Variants in RYR3 observed in about 807,000 individuals in gnomAD.
RYR3 encodes ryanodine receptor 3.
Under a neutral mutation model 584.3 loss-of-function variants are expected in RYR3, and 207 were observed. The observed-to-expected ratio is 0.35, with a 90% confidence interval of 0.32 to 0.40. The LOEUF is 0.40. RYR3 is among the 10% of genes least tolerant of loss of function. The probability of loss-of-function intolerance (pLI) is 1.00; values close to 1 mark genes in which losing one functional copy is unlikely to be tolerated. For synonymous variants in RYR3, 2,416 were observed against 2,248.5 expected, an observed-to-expected ratio of 1.07 and a Z score of -2.11; for missense variants, 5,616 against 6,089.2, an observed-to-expected ratio of 0.92 and a Z score of 2.59.
rs1371630621 is a variant in RYR3, at chr15:33,696,310, C to T, written c.5953C>T (p.Leu1985Phe). ...DSELVRMMFN[L>F]LRRQYDSIGE... ...AGAGCTGGTCCGAATGATGTTCAACCTCCTCCGGAGGCAGTATGACAGCAT... is the reference window on the plus strand; with the variant it reads ...AGAGCTGGTCCGAATGATGTTCAACTTCCTCCGGAGGCAGTATGACAGCAT... The change falls in exon 39 of 104, where the codon CTC becomes TTC. Residue 1985 changes from leucine (L) to phenylalanine (F), a missense_variant. This residue lies in a region of RYR3 where 1,280 missense variants were observed against 1,426.2 expected (regional missense o/e 0.90). Transcript: ENST00000634891. The T allele has an allele frequency of 6.2e-7, 1 of 1,613,864 alleles. No homozygotes were observed. Among genetic ancestry groups the T allele is most frequent in the African/African-American group, 1.3e-5 (1 of 75,028 alleles).
chr15:33,784,649 A>C (rs551841360), intron 65 of RYR3, among the ~76,000 whole-genome samples: 116 of 152,324 alleles, frequency 7.6e-4, no homozygotes, highest in Non-Finnish European at 1.0e-3. Flanking sequence ...AAGTAGACAC[A>C]TTCTGTAGGA....
chr15:33,403,540 C>T (rs2042823671), intron 1 of RYR3, among the ~76,000 whole-genome samples: 1 of 152,056 alleles, frequency 6.6e-6, no homozygotes, highest in Non-Finnish European at 1.5e-5. Flanking sequence ...TATAAATATC[C>T]TTAATAGGTA....
chr15:33,451,652 C>G (rs1046841085), intron 1 of RYR3, among the ~76,000 whole-genome samples: 5 of 152,106 alleles, frequency 3.3e-5, no homozygotes, highest in African/African-American at 1.2e-4. Context: ...CAAGCCTAGT[C>G]CAGTGCAGAC....
intron 2 of RYR3, among the ~76,000 whole-genome samples, chr15:33,480,627 T>C (rs2049872475): frequency 1.3e-5 from 2 of 152,164 alleles, no homozygotes; most frequent in Admixed American, 6.5e-5. Flanking sequence ...TGTTAGTGAG[T>C]GGATGTTTTA....
At chr15:33,485,726 G>A (rs1169419720) in intron 2 of RYR3, among the ~76,000 whole-genome samples, 7 of 152,180 alleles carry the variant, frequency 4.6e-5, no homozygotes, top group East Asian at 1.9e-4. Context: ...TTAGTGCTAC[G>A]CATTTTCTAG....
chr15:33,787,601 A>G (rs1567170504), intron 66 of RYR3, among the ~76,000 whole-genome samples: 3 of 151,948 alleles, frequency 2.0e-5, no homozygotes, highest in Admixed American at 1.3e-4. Flanking sequence ...CTGCTTTTCA[A>G]CTTCTAGTGA....
chr15:33,359,255 TAAC>T (rs1974407283), intron 1 of RYR3, among the ~76,000 whole-genome samples: 1 of 152,132 alleles, frequency 6.6e-6, no homozygotes, highest in African/African-American at 2.4e-5. Flanking sequence ...AATACAACAA[TAAC>T]AACACAACAA....
chr15:33,670,237 A>G (rs941712453), intron 37 of RYR3, among the ~76,000 whole-genome samples, 182 bp from the exon 38 acceptor site: 3 of 55,256 alleles, frequency 5.4e-5, no homozygotes, highest in Non-Finnish European at 1.9e-4. Flanking sequence ...CAGGAAATCA[A>G]TATTTTTTTT....
At chr15:33,577,224 A>G (rs1458996813) in intron 12 of RYR3, among the ~76,000 whole-genome samples, 1 of 152,244 alleles carries the variant, frequency 6.6e-6, no homozygotes, top group East Asian at 1.9e-4. Context: ...TGCTATTCCC[A>G]TTAAACTACC....
chr15:33,664,499 C>G (rs1242722815), intron 36 of RYR3, among the ~76,000 whole-genome samples: 1 of 150,598 alleles, frequency 6.6e-6, no homozygotes, highest in East Asian at 1.9e-4. Flanking sequence ...AAAGATAAAT[C>G]TTTCAGCGAA....
At chr15:33,834,529 A>G in intron 86 of RYR3, among the ~76,000 whole-genome samples, 1 of 151,532 alleles carries the variant, frequency 6.6e-6, no homozygotes, top group African/African-American at 2.4e-5. Context: ...AGCATGTGTA[A>G]CTTTGCCTGG....
Position 33,562,950 on chromosome 15 carries a change from G to A in RYR3, c.1086G>A (p.Leu362=), listed in dbSNP as rs758486156. ...VCFVQHIASG[L]WVTYKAQDAK... ...TTGTGCAGCATATAGCCAGTGGTCT[G>A]TGGGTGACCTACAAAGCACAAGACG... Residue 362 remains leucine, a synonymous_variant, in exon 11 of 104, where the codon CTG becomes CTA. Coordinates refer to ENST00000634891, the MANE Select transcript of RYR3 (RefSeq NM_001036.6). The A allele has an allele frequency of 6.2e-7, 1 of 1,613,624 alleles. No homozygotes were observed. The highest frequency in any genetic ancestry group is 1.1e-5 in the South Asian group (1 of 91,020).
intron 94 of RYR3, chr15:33,851,433 C>T (rs945177702): frequency 6.6e-6 from 1 of 152,052 alleles, no homozygotes; most frequent in African/African-American, 2.4e-5. Context: ...TCCCTGATTA[C>T]TAAATGGGTT....
intron 72 of RYR3, among the ~76,000 whole-genome samples, chr15:33,812,143 G>A (rs1271092841): frequency 6.6e-6 from 1 of 152,110 alleles, no homozygotes; most frequent in Non-Finnish European, 1.5e-5. Context: ...CATAAAGTTA[G>A]CCTTGAACCA....
intron 91 of RYR3, among the ~76,000 whole-genome samples, chr15:33,842,904 G>T (rs1378918424): frequency 1.3e-5 from 2 of 152,118 alleles, no homozygotes; most frequent in Non-Finnish European, 2.9e-5. Context: ...TTAGGCCTTT[G>T]GCTCCCTGAG....
chr15:33,812,936 C>T lies in RYR3; in HGVS notation c.10331C>T (p.Pro3444Leu), dbSNP rs777460190. The T allele has an allele frequency of 1.2e-5, 20 of 1,613,740 alleles. No homozygotes were observed. Among genetic ancestry groups the T allele is most frequent in the South Asian group, 3.3e-5 (3 of 91,074 alleles). The change falls in exon 73 of 104, where the codon CCG becomes CTG. Residue 3444 changes from proline (P) to leucine (L), a missense_variant. By Grantham distance (98) the Pro-to-Leu change is moderately conservative. This residue lies in a region of RYR3 where 954 missense variants were observed against 1,132.2 expected (regional missense o/e 0.84). Coordinates refer to ENST00000634891, the MANE Select transcript of RYR3 (RefSeq NM_001036.6). ...DVLKSEEPFNPEKTVERVQRI... is the reference protein window; with the variant it reads ...DVLKSEEPFNLEKTVERVQRI... ...CTGAAGAGTGAAGAACCTTTCAATC[C>T]GGAAAAGACAGTGGAGCGTGTGCAG...
intron 1 of RYR3, among the ~76,000 whole-genome samples, chr15:33,449,693 T>C (rs1221180903): frequency 2.0e-5 from 3 of 152,230 alleles, no homozygotes; most frequent in Admixed American, 2.0e-4. Flanking sequence ...TTCTGATGGT[T>C]CCTCTAAGTT....
chr15:33,607,888 G>T (rs1416823055), intron 18 of RYR3, among the ~76,000 whole-genome samples: 1 of 152,026 alleles, frequency 6.6e-6, no homozygotes, highest in Non-Finnish European at 1.5e-5. Context: ...TAGATTAATT[G>T]ATTCAAAACT....
At chr15:33,543,126 T>C (rs553617858) in intron 7 of RYR3, among the ~76,000 whole-genome samples, 5 of 152,152 alleles carry the variant, frequency 3.3e-5, no homozygotes, top group African/African-American at 7.2e-5. Flanking sequence ...GTTTGTTAAA[T>C]GTATTTGAAT....
Sources: allele counts gnomAD v4.1 joint callset (sites outside exome capture counted in the v4.1 genomes callset), GRCh38; gene constraint gnomAD v4.1.1; regional missense constraint gnomAD v4.1.1; transcripts MANE v1.5; gene names NCBI Gene and HGNC (gene_info 2026-07-23, HGNC 2026-07-21).